Variants in ATP8B3 observed in about 807,000 individuals in gnomAD.
ATP8B3 encodes ATPase phospholipid transporting 8B3, also known as phospholipid-transporting ATPase IK.
In ATP8B3, 141 loss-of-function variants were observed where a neutral mutation model predicts 140.9. The ratio of observed to expected loss-of-function variants is 1.00; its 90% confidence interval spans 0.87 to 1.15. The LOEUF is 1.15. ATP8B3 is among the 50% of genes most tolerant of loss of function. The pLI is 0.00. For synonymous variants in ATP8B3, 765 were observed against 714.6 expected (o/e 1.07, Z -1.13); for missense variants, 1,874 against 1,740.6 (o/e 1.08, Z -1.36).
At chr19:1,793,077 A>T (rs1194599998) in intron 18 of ATP8B3, among the ~76,000 whole-genome samples, 1 of 149,156 alleles carries the variant, frequency 6.7e-6, no homozygotes, top group Non-Finnish European at 1.5e-5. Flanking sequence ...TTTGCACAGC[A>T]AATTCTTTTT....
At position 1,797,145 on chromosome 19, in the gene ATP8B3, C is replaced by A. The variant is rs1344100873; in HGVS notation, c.1553-140G>T. The A allele has an allele frequency of 8.9e-6, 12 of 1,344,114 alleles. No homozygotes were observed. In the African/African-American group the frequency reaches 1.3e-4, roughly 15 times the overall value. The allele number at this position is 1,344,114 out of a possible 1,614,324, so 83.3% of individuals were successfully genotyped here. ...CAGGCCTGTGGCCCTGGAACCGACA[C>A]CCCGAGCAATCTTGGGGCGAAAGCT... is the stretch of plus-strand genomic sequence containing the variant. On this transcript the variant is annotated intron_variant, in intron 14 of 28. Transcript: ENST00000310127.
rs534959073 is a variant in ATP8B3 at position 1,787,198 on chromosome 19, G to C, written c.3070-12C>G. 18 of 1,601,580 alleles carry C rather than the reference G, an allele frequency of 1.1e-5. No individual in the cohort carries two copies. In the South Asian group the frequency reaches 2.0e-4, roughly 18 times the overall value. ...CCTTCATACAGGGGCTGAGCCGGGG[G>C]AGAAGGGCAAGGAGAACAAGTCAGC... On this transcript the variant is annotated splice_polypyrimidine_tract_variant and intron_variant, in intron 24 of 28. Transcript: ENST00000310127.
intron 25 of ATP8B3, among the ~76,000 whole-genome samples, chr19:1,786,276 A>G (rs1431296084): frequency 2.0e-5 from 3 of 150,756 alleles, no homozygotes; most frequent in African/African-American, 7.3e-5. Flanking sequence ...AGTTAAAGAT[A>G]CCAGCAAGGC....
Position 1,790,849 on chromosome 19 carries a change from C to T in ATP8B3, c.2303-17G>A, listed in dbSNP as rs2068484709. On this transcript the variant is annotated splice_polypyrimidine_tract_variant and intron_variant, in intron 20 of 28. Coordinates refer to ENST00000310127, the MANE Select transcript of ATP8B3 (RefSeq NM_138813.4). ...CAGCCGTTTCTGCGAAGCAGACCAGCTCAGCGCCTCTGCGACCCGCCCCGC... is the reference window on the plus strand; with the variant it reads ...CAGCCGTTTCTGCGAAGCAGACCAGTTCAGCGCCTCTGCGACCCGCCCCGC... The T allele has an allele frequency of 6.3e-7, 1 of 1,581,576 alleles. No individual in the cohort carries two copies. The highest frequency in any genetic ancestry group is 8.6e-7 in the Non-Finnish European group (1 of 1,166,526).
chr19:1,784,782 G>C lies in ATP8B3; in HGVS notation c.3660+37C>G, dbSNP rs553828577. On this transcript the variant is annotated intron_variant, in intron 28 of 28. Transcript: ENST00000310127. ...GGCTCCCCAACCAGGGTCCTGGAATGTACCAGATGAGGACCCCAGGCCCAG... is the reference window on the plus strand; with the variant it reads ...GGCTCCCCAACCAGGGTCCTGGAATCTACCAGATGAGGACCCCAGGCCCAG... The C allele has an allele frequency of 4.5e-6, 7 of 1,561,696 alleles. No homozygotes were observed. In the East Asian group the frequency reaches 1.6e-4, roughly 37 times the overall value.
At chr19:1,801,034 TA>T (rs2068832699) in intron 12 of ATP8B3, among the ~76,000 whole-genome samples, 4 of 151,558 alleles carry the variant, frequency 2.6e-5, no homozygotes. Flanking sequence ...TTCACTGTGT[TA>T]GCCAGGATGG....
Position 1,789,217 on chromosome 19 carries a change from C to A in ATP8B3, c.2846-97G>T, listed in dbSNP as rs1422434495. 36 of 859,030 alleles carry A rather than the reference C, an allele frequency of 4.2e-5. No homozygotes were observed. In the East Asian group the frequency reaches 7.3e-4, roughly 17 times the overall value. 53.2% of individuals were successfully genotyped at this position (859,030 alleles called of 1,614,324 possible). ...TGTTCTGCCCCCTATCAGCCCCCCC[C>A]ATCTGCTTCAGGTCCCCCCAGTCCC... On this transcript the variant is annotated intron_variant, in intron 23 of 28. Coordinates refer to ENST00000310127, the MANE Select transcript of ATP8B3 (RefSeq NM_138813.4).
chr19:1,804,468 C>G (rs1400775539), intron 10 of ATP8B3, among the ~76,000 whole-genome samples: 1 of 152,160 alleles, frequency 6.6e-6, no homozygotes, highest in Non-Finnish European at 1.5e-5. Context: ...AATTAGCCAG[C>G]CTGGTGGCGG....
intron 25 of ATP8B3, 150 bp downstream of exon 25, chr19:1,786,953 G>T: frequency 1.5e-6 from 1 of 651,140 alleles, no homozygotes; most frequent in Non-Finnish European, 2.6e-6. Flanking sequence ...CAATGGCAGT[G>T]GGCAGGGAGA....
Position 1,805,813 on chromosome 19 carries a change from G to A in ATP8B3, c.821+75C>T, listed in dbSNP as rs2068993752. 1.3e-6 allele frequency: 2 copies of A among 1,577,442 alleles called. No homozygotes were observed. Among genetic ancestry groups the A allele is most frequent in the Non-Finnish European group, 8.7e-7 (1 of 1,151,612 alleles). On this transcript the variant is annotated intron_variant, in intron 9 of 28. Transcript: ENST00000310127. The surrounding 1 kb of genome is among the most constrained non-coding windows in gnomAD (Gnocchi z 5.2). ...GCGACCTTGGCTGGCCGCCTCCTTG[G>A]TGACTGGGGAAGGGGGCTCCTCCGG...
In ATP8B3 at chr19:1,785,298, C is replaced by G. The variant is rs2068269659; in HGVS notation, c.3394-1G>C. 6.3e-7 allele frequency: 1 copy of G among 1,591,322 alleles called. No individual in the cohort carries two copies. On this transcript the variant is annotated splice_acceptor_variant, in intron 26 of 28. Coordinates refer to ENST00000310127, the MANE Select transcript of ATP8B3 (RefSeq NM_138813.4). LOFTEE classifies it high-confidence loss of function. ...TCCAGTACTTGATGATAAGAATGAC[C>G]TGGACAGGCAGCGGTGGGGTAAATC...
rs183309048 is a variant in ATP8B3 at position 1,800,366 on chromosome 19, G to C, written c.1236C>G (p.Tyr412Ter). 2 of 1,612,838 alleles carry C rather than the reference G, an allele frequency of 1.2e-6. No individual in the cohort carries two copies. Among genetic ancestry groups the C allele is most frequent in the East Asian group, 4.5e-5 (2 of 44,884 alleles). ...TGCTCCCATGCACCCCCGAGAGGTA[G>C]TAGTGGTGGTCTTTGAATTCTTTGA... ...FSVKEFKDHH[Y>*]YLSGVHGSSV... The change falls in exon 13 of 29, where the codon TAC becomes TAG. Residue 412 changes from tyrosine (Y) to a stop codon, truncating the protein, a stop_gained. Transcript: ENST00000310127. LOFTEE classifies it high-confidence loss of function. This position sits in a 1 kb window ranked among gnomAD's most constrained non-coding sequence, Gnocchi z 4.4.
rs377173264 is a variant in ATP8B3, at chr19:1,800,209, T to C, written c.1343+50A>G. The stretch of plus-strand genomic sequence containing the variant: ...CCCCGCCTGCTGTGTGCCATCCCCA[T>C]GCCTCCCCGTTCCGCGTTTGCACCG... On this transcript the variant is annotated intron_variant, in intron 13 of 28. Coordinates refer to ENST00000310127, the MANE Select transcript of ATP8B3 (RefSeq NM_138813.4). The surrounding 1 kb of genome is among the most constrained non-coding windows in gnomAD (Gnocchi z 4.4). 5.6e-6 allele frequency: 9 copies of C among 1,595,712 alleles called. No individual in the cohort carries two copies. In the Admixed American group the frequency reaches 1.0e-4, roughly 18 times the overall value.
At chr19:1,803,304 G>GGCCACAGGGT (rs1491240322) in intron 10 of ATP8B3, among the ~76,000 whole-genome samples, 3 of 152,136 alleles carry the variant, frequency 2.0e-5, no homozygotes, top group African/African-American at 7.2e-5. Flanking sequence ...TTCCTGAAGG[G>GGCCACAGGGT]TCCTCACCTG....
intron 17 of ATP8B3, 36 bp from the exon 18 acceptor site, chr19:1,796,023 C>A: frequency 6.2e-7 from 1 of 1,611,592 alleles, no homozygotes. Context: ...CACAGAGGCT[C>A]CCCGTCTGCC....
chr19:1,785,640 G>A lies in ATP8B3; in HGVS notation c.3222C>T (p.Phe1074=). The A allele has an allele frequency of 6.2e-7, 1 of 1,613,276 alleles. No individual in the cohort carries two copies. The highest frequency in any genetic ancestry group is 8.5e-7 in the Non-Finnish European group (1 of 1,179,862). The change falls in exon 26 of 29, where the codon TTC becomes TTT. Residue 1074 remains phenylalanine, a synonymous_variant. Transcript: ENST00000310127. ...TGGCTTGGACGAAGACCCAGTAGTTGAAGAGCTCGTCCTTCTGCCCCACCA... is the reference window on the plus strand; with the variant it reads ...TGGCTTGGACGAAGACCCAGTAGTTAAAGAGCTCGTCCTTCTGCCCCACCA... ...LYVVGQKDEL[F]NYWVFVQAIA...
At chr19:1,809,333 T>C (rs1165995186) in intron 4 of ATP8B3, among the ~76,000 whole-genome samples, 4 of 150,486 alleles carry the variant, frequency 2.7e-5, no homozygotes, top group Middle Eastern at 3.4e-3. Flanking sequence ...ATACAAAAAT[T>C]AGTCAGGCGT....
intron 11 of ATP8B3, 80 bp downstream of exon 11, chr19:1,802,407 A>ACCCCCCCCCCCCCCCCCCCCCC: frequency 9.4e-6 from 3 of 318,100 alleles, no homozygotes; most frequent in South Asian, 4.1e-5. Context: ...CCACCCACCT[A>ACCCCCCCCCCCCCCCCCCCCCC]CCCACCCACC....
rs2069041425 is a variant in ATP8B3, at chr19:1,806,905, A to G, written c.616-216T>C. ...AAGACAGGCGTGCTGCCCACCACCT[A>G]GAGTGCCTGCCAGACCACCCCCCAC... On this transcript the variant is annotated intron_variant, in intron 6 of 28. Transcript: ENST00000310127. The surrounding 1 kb of genome is among the most constrained non-coding windows in gnomAD (Gnocchi z 5.6). 6.6e-6 allele frequency among the ~76,000 whole-genome samples: 1 copy of G among 152,020 alleles called. No individual in the cohort carries two copies. The highest frequency in any genetic ancestry group is 6.5e-5 in the Admixed American group (1 of 15,276).
Sources: gnomAD v4.1 joint callset for allele counts (sites outside exome capture counted in the v4.1 genomes callset) on GRCh38, gnomAD v4.1.1 for gene constraint, Gnocchi (gnomAD v3.1) non-coding constraint, MANE v1.5 for transcripts, NCBI Gene and HGNC (gene_info 2026-07-23, HGNC 2026-07-21) for gene names.